TAOK1: variants seen among roughly 807,000 people sequenced by gnomAD.
The protein encoded by TAOK1 is serine/threonine-protein kinase TAO1.
TAOK1 carries 21 observed loss-of-function variants against 138.3 expected under a neutral mutation model. The ratio of observed to expected loss-of-function variants is 0.15; its 90% CI spans 0.11 to 0.22. TAOK1 has a LOEUF of 0.22. TAOK1 is among the 10% of genes least tolerant of loss of function. The pLI is 1.00. For missense variants in TAOK1, 651 were observed against 1,227.7 expected (o/e 0.53, Z 7.02); for synonymous variants, 361 against 398.4 (o/e 0.91, Z 1.12).
At chr17:29,452,754 G>T (rs192696980) in intron 2 of TAOK1, among the ~76,000 whole-genome samples, 92 of 152,188 alleles carry the variant, frequency 6.0e-4, no homozygotes, top group Admixed American at 2.9e-3. Flanking sequence ...TTTGTTTCTA[G>T]CTTATATTAT....
intron 15 of TAOK1, among the ~76,000 whole-genome samples, 173 bp from the exon 16 acceptor site, chr17:29,517,280 G>A (rs1022601832): frequency 9.2e-5 from 14 of 151,916 alleles, no homozygotes; most frequent in East Asian, 1.9e-4. Context: ...CAGCCACCAC[G>A]CCCAGCCTAA....
intron 1 of TAOK1, among the ~76,000 whole-genome samples, chr17:29,393,601 T>A (rs1379084999): frequency 6.6e-6 from 1 of 152,222 alleles, no homozygotes; most frequent in African/African-American, 2.4e-5. Context: ...ATAGTTCATC[T>A]ACAAAATGGC....
intron 19 of TAOK1, among the ~76,000 whole-genome samples, chr17:29,542,167 G>A (rs966307246): frequency 1.1e-4 from 16 of 152,122 alleles, no homozygotes; most frequent in Admixed American, 9.2e-4. Flanking sequence ...GTGAGCCACC[G>A]CGCCCGGCCT....
Position 29,451,586 on chromosome 17 carries a change from C to G in TAOK1, c.38C>G (p.Pro13Arg). ...AACAGAGCAGGCAGCCTGAAGGACC[C>G]TGAAATTGCAGAGCTCTTCTTCAAA... ...STNRAGSLKDPEIAELFFKED... is the reference protein window; with the variant it reads ...STNRAGSLKDREIAELFFKED... The change falls in exon 2 of 20, where the codon CCT becomes CGT. Residue 13 changes from proline (P) to arginine (R), a missense_variant. Physicochemically the swap from Pro to Arg is moderately radical, Grantham distance 103 (BLOSUM62 -2). Around this residue, in one of 8 missense-constraint regions of TAOK1, gnomAD observed 116 missense variants for 213.9 expected, o/e 0.54. Transcript: ENST00000261716. 6.2e-7 allele frequency: 1 copy of G among 1,613,640 alleles called. No individual in the cohort carries two copies. Among genetic ancestry groups the G allele is most frequent in the Non-Finnish European group, 8.5e-7 (1 of 1,179,832 alleles).
intron 18 of TAOK1, among the ~76,000 whole-genome samples, chr17:29,532,196 G>C (rs2032127473): frequency 6.6e-6 from 1 of 152,010 alleles, no homozygotes; most frequent in African/African-American, 2.4e-5. Context: ...ACCACTCTTA[G>C]CTCATGGGCT....
At chr17:29,470,783 A>G (rs1290420038) in intron 3 of TAOK1, among the ~76,000 whole-genome samples, 1 of 152,202 alleles carries the variant, frequency 6.6e-6, no homozygotes, top group Admixed American at 6.5e-5. Flanking sequence ...AGCAAATATC[A>G]TAATAAAGCA....
intron 1 of TAOK1, among the ~76,000 whole-genome samples, chr17:29,397,720 T>TATAC (rs1904695485): frequency 3.4e-5 from 4 of 117,810 alleles, no homozygotes; most frequent in Non-Finnish European, 5.2e-5. Flanking sequence ...AATATACATG[T>TATAC]ATGTATATAC....
chr17:29,489,832 A>G, intron 9 of TAOK1, 75 bp downstream of exon 9: 1 of 1,105,658 alleles, frequency 9.0e-7, no homozygotes, highest in Non-Finnish European at 1.3e-6. Flanking sequence ...TATCAAAGTG[A>G]TTTAATTTCA....
intron 13 of TAOK1, among the ~76,000 whole-genome samples, chr17:29,505,890 G>A (rs1022264542): frequency 1.3e-5 from 2 of 152,140 alleles, no homozygotes; most frequent in South Asian, 2.1e-4. Context: ...AGCTGAGATC[G>A]TGCCACTGTA....
At chr17:29,502,146 A>G (rs376501736) in intron 12 of TAOK1, among the ~76,000 whole-genome samples, 34 of 152,210 alleles carry the variant, frequency 2.2e-4, no homozygotes, top group East Asian at 1.7e-3. Flanking sequence ...ATTATATTGA[A>G]AATAAAGTTG....
At chr17:29,526,062 G>A (rs2032004327) in intron 17 of TAOK1, among the ~76,000 whole-genome samples, 1 of 152,164 alleles carries the variant, frequency 6.6e-6, no homozygotes, top group South Asian at 2.1e-4. Flanking sequence ...GGGAGGCTGA[G>A]GTCGGGAGTT....
chr17:29,527,029 G>A lies in TAOK1; in HGVS notation c.2149-3378G>A, dbSNP rs141420154. Among the ~76,000 whole-genome samples the A allele has an allele frequency of 6.4e-3, 979 of 152,160 alleles. 13 individuals carry two copies. Among genetic ancestry groups the A allele is most frequent in the African/African-American group, 0.022 (926 of 41,504 alleles). ...TAGTCCCAGCTACGCAGGAGGCTGA[G>A]GCAAGAGAATCGCTTGAACCACGGA... On this transcript the variant is annotated intron_variant, in intron 17 of 19. Coordinates refer to ENST00000261716, the MANE Select transcript of TAOK1 (RefSeq NM_020791.4).
At chr17:29,518,157 G>T (rs11871787) in intron 16 of TAOK1, among the ~76,000 whole-genome samples, 93,959 of 152,090 alleles carry the variant, frequency 0.62, 29,858 homozygotes, top group Non-Finnish European at 0.66. Context: ...TGCCTGGACT[G>T]CACCACCACA....
At chr17:29,501,655 C>T (rs997176118) in intron 12 of TAOK1, among the ~76,000 whole-genome samples, 1 of 151,638 alleles carries the variant, frequency 6.6e-6, no homozygotes, top group Non-Finnish European at 1.5e-5. Flanking sequence ...CTATTTAAAA[C>T]ATTGACTATA....
intron 1 of TAOK1, among the ~76,000 whole-genome samples, chr17:29,451,238 C>G (rs1647933201): frequency 6.6e-6 from 1 of 152,098 alleles, no homozygotes; most frequent in Non-Finnish European, 1.5e-5. Flanking sequence ...AAGATTATCT[C>G]ATTTTTTTAA....
intron 1 of TAOK1, among the ~76,000 whole-genome samples, chr17:29,418,600 A>G (rs1306274247): frequency 6.6e-6 from 1 of 152,164 alleles, no homozygotes; most frequent in Admixed American, 6.6e-5. Flanking sequence ...TCACTTATAT[A>G]AGATGATGTA....
chr17:29,517,539 A>G lies in TAOK1; in HGVS notation c.1791A>G (p.Ala597=). The G allele has an allele frequency of 6.2e-7, 1 of 1,614,106 alleles. No homozygotes were observed. The highest frequency in any genetic ancestry group is 8.5e-7 in the Non-Finnish European group (1 of 1,180,020). ...AGGAGAATATACAGCATTTCCAAGCAGAAGAAGAAGCTAACCTTCTTCGAC... is the reference window on the plus strand; with the variant it reads ...AGGAGAATATACAGCATTTCCAAGCGGAAGAAGAAGCTAACCTTCTTCGAC... ...KQKENIQHFQ[A]EEEANLLRRQ... The change falls in exon 16 of 20, where the codon GCA becomes GCG. Residue 597 remains alanine, a synonymous_variant. Coordinates refer to ENST00000261716, the MANE Select transcript of TAOK1 (RefSeq NM_020791.4).
chr17:29,469,221 G>A (rs1224007126), intron 3 of TAOK1, among the ~76,000 whole-genome samples: 18 of 59,124 alleles, frequency 3.0e-4, no homozygotes, highest in Middle Eastern at 9.3e-3. Context: ...CCCCTCCCCC[G>A]CCCCATCTCA....
chr17:29,399,179 TTTGCCATG>T (rs886225752), intron 1 of TAOK1, among the ~76,000 whole-genome samples: 1 of 151,850 alleles, frequency 6.6e-6, no homozygotes, highest in Non-Finnish European at 1.5e-5. Context: ...GAGATGGGGT[TTTGCCATG>T]TTGCCTGGTC....
Sources: gnomAD v4.1 joint callset for allele counts (sites outside exome capture counted in the v4.1 genomes callset) on GRCh38, gnomAD v4.1.1 for gene constraint, gnomAD v4.1.1 regional missense constraint, MANE v1.5 for transcripts, NCBI Gene and HGNC (gene_info 2026-07-23, HGNC 2026-07-21) for gene names.